The following CSNK1G1 variants were observed in gnomAD, a reference collection of about 807,000 sequenced individuals.
CSNK1G1 encodes the protein casein kinase 1 gamma 1.
A neutral mutation model predicts 59.6 loss-of-function variants in CSNK1G1; 22 were observed. The observed-to-expected ratio is 0.37, with a 90% CI of 0.26 to 0.53. The LOEUF (loss-of-function observed/expected upper bound fraction) is 0.53, where lower values mean the gene tolerates loss of function less well. CSNK1G1 is among the 20% of genes least tolerant of loss of function. The probability of loss-of-function intolerance (pLI) is 0.89; values close to 1 mark genes in which losing one functional copy is unlikely to be tolerated. For synonymous variants in CSNK1G1, 179 were observed against 177.1 expected (o/e 1.01, Z -0.08); for missense variants, 384 against 519.5 (o/e 0.74, Z 2.54).
intron 1 of CSNK1G1, among the ~76,000 whole-genome samples, chr15:64,348,125 T>G (rs1000264086): frequency 3.3e-5 from 5 of 151,976 alleles, no homozygotes; most frequent in African/African-American, 1.2e-4. Context: ...AAGGCAATAC[T>G]ATAGAGACAG....
chr15:64,222,435 AC>A (rs1170821642), intron 4 of CSNK1G1, among the ~76,000 whole-genome samples: 4,095 of 93,186 alleles, frequency 0.044, 95 homozygotes, highest in South Asian at 0.061. Context: ...CAACAACACC[AC>A]CAAAAAAAAA....
intron 1 of CSNK1G1, among the ~76,000 whole-genome samples, chr15:64,332,057 C>T (rs1178278746): frequency 2.6e-4 from 39 of 148,814 alleles, no homozygotes; most frequent in Non-Finnish European, 5.2e-4. Flanking sequence ...GAAATAGGAA[C>T]ACTTTTACAC....
chr15:64,171,865 T>C lies in CSNK1G1; in HGVS notation c.*66A>G, dbSNP rs2140196395. 1 of 1,321,994 alleles carries C rather than the reference T, an allele frequency of 7.6e-7. No individual in the cohort carries two copies. Among genetic ancestry groups the C allele is most frequent in the East Asian group, 2.3e-5 (1 of 43,588 alleles). The allele number at this position is 1,321,994 out of a possible 1,614,324, so 81.9% of individuals were successfully genotyped here. On this transcript the variant is annotated 3_prime_UTR_variant, in exon 12 of 12. Transcript: ENST00000303052. This position sits in a 1 kb window ranked among gnomAD's most constrained non-coding sequence, Gnocchi z 4.8. ...AAGAGGAGTCCCTTCCAATGAGAAA[T>C]GGCAGGAGCTGCAGGTACAATTGAG... is the stretch of plus-strand genomic sequence containing the variant.
chr15:64,312,757 G>A (rs994453073), intron 1 of CSNK1G1, among the ~76,000 whole-genome samples: 1 of 152,126 alleles, frequency 6.6e-6, no homozygotes, highest in Non-Finnish European at 1.5e-5. Context: ...TGACAAATGG[G>A]ATCTAATTAA....
chr15:64,294,535 T>TA (rs1336631286), intron 2 of CSNK1G1, among the ~76,000 whole-genome samples: 2 of 152,210 alleles, frequency 1.3e-5, no homozygotes, highest in East Asian at 1.9e-4. Context: ...ATTTTCTTTT[T>TA]AAAAAAATTT....
intron 2 of CSNK1G1, among the ~76,000 whole-genome samples, chr15:64,262,626 C>T (rs1172547067): frequency 6.6e-6 from 1 of 152,140 alleles, no homozygotes; most frequent in African/African-American, 2.4e-5. Context: ...CCTGTGGGTA[C>T]TTGGAAGTGT....
At chr15:64,259,483 T>TACACACACACACACACACACAC (rs59936401) in intron 2 of CSNK1G1, among the ~76,000 whole-genome samples, 2 of 139,716 alleles carry the variant, frequency 1.4e-5, no homozygotes, top group African/African-American at 5.2e-5. Flanking sequence ...AAATCTCTCT[T>TACACACACACACACACACACAC]ACACACACAC....
At chr15:64,172,443 C>T (rs2081684532) in intron 11 of CSNK1G1, among the ~76,000 whole-genome samples, 1 of 152,152 alleles carries the variant, frequency 6.6e-6, no homozygotes, top group Non-Finnish European at 1.5e-5. Context: ...GCAAACAAAT[C>T]CCATGATAAG....
At chr15:64,204,383 T>C in intron 9 of CSNK1G1, 58 bp downstream of exon 9, 1 of 1,387,380 alleles carries the variant, frequency 7.2e-7, no homozygotes, top group Non-Finnish European at 9.7e-7. Flanking sequence ...CATGAGGCAG[T>C]GCTGGTTGGA....
chr15:64,267,256 C>CAAAAAAAAAAAAAAAAAAAAAAA (rs199581105), intron 2 of CSNK1G1, among the ~76,000 whole-genome samples: 1 of 61,828 alleles, frequency 1.6e-5, no homozygotes, highest in Non-Finnish European at 3.7e-5. Context: ...GACCTTATCT[C>CAAAAAAAAAAAAAAAAAAAAAAA]AAAAAAAAAA....
intron 1 of CSNK1G1, among the ~76,000 whole-genome samples, chr15:64,316,031 CTTGT>C (rs956283110): frequency 6.6e-6 from 1 of 152,074 alleles, no homozygotes. Flanking sequence ...GTTGTTGTTG[CTTGT>C]TTGTTTTAAC....
At chr15:64,222,739 C>A (rs1001271424) in intron 4 of CSNK1G1, among the ~76,000 whole-genome samples, 1 of 150,896 alleles carries the variant, frequency 6.6e-6, no homozygotes, top group Non-Finnish European at 1.5e-5. Context: ...GTCAGAATTT[C>A]TAGGAGTGGA....
intron 10 of CSNK1G1, among the ~76,000 whole-genome samples, chr15:64,184,337 A>T (rs764056700): frequency 6.6e-6 from 1 of 151,904 alleles, no homozygotes; most frequent in African/African-American, 2.4e-5. Flanking sequence ...AATTTTTAGT[A>T]TAATGTCATT....
At chr15:64,186,431 A>C (rs914428433) in intron 10 of CSNK1G1, among the ~76,000 whole-genome samples, 5 of 152,206 alleles carry the variant, frequency 3.3e-5, no homozygotes, top group African/African-American at 4.8e-5. Flanking sequence ...TGTTCTATTA[A>C]TTCTGATAAC....
At chr15:64,239,225 T>G (rs2082661758) in intron 4 of CSNK1G1, among the ~76,000 whole-genome samples, 1 of 152,078 alleles carries the variant, frequency 6.6e-6, no homozygotes, top group Non-Finnish European at 1.5e-5. Flanking sequence ...AACACAGTGG[T>G]ACAGAAACAT....
In CSNK1G1 at chr15:64,251,503, T is replaced by C. The variant is rs1892083211; in HGVS notation, c.292+9A>G. The stretch of plus-strand genomic sequence containing the variant: ...TACTAAGTAAGTGGAGAGAAAAGAC[T>C]TGACTTACCTGCACTGCCAAGCTGT... On this transcript the variant is annotated intron_variant, in intron 4 of 11. Coordinates refer to ENST00000303052, the MANE Select transcript of CSNK1G1 (RefSeq NM_022048.5). The C allele has an allele frequency of 6.3e-7, 1 of 1,598,714 alleles. No individual in the cohort carries two copies. The highest frequency in any genetic ancestry group is 2.2e-5 in the East Asian group (1 of 44,662).
intron 2 of CSNK1G1, among the ~76,000 whole-genome samples, chr15:64,267,235 A>T (rs1893033716): frequency 6.8e-6 from 1 of 148,010 alleles, no homozygotes. Context: ...CCAGCCTGGG[A>T]GACAAAGCGA....
chr15:64,344,097 T>C (rs527903648), intron 1 of CSNK1G1, among the ~76,000 whole-genome samples: 1 of 152,084 alleles, frequency 6.6e-6, no homozygotes, highest in Non-Finnish European at 1.5e-5. Flanking sequence ...AATAATAAAA[T>C]GAATAATAGC....
At chr15:64,354,989 C>T (rs1377234517) in intron 1 of CSNK1G1, among the ~76,000 whole-genome samples, 1 of 152,156 alleles carries the variant, frequency 6.6e-6, no homozygotes, top group Non-Finnish European at 1.5e-5. Context: ...TGTTCTGAGA[C>T]ATCACTACAC....
Sources: allele counts gnomAD v4.1 joint callset (sites outside exome capture counted in the v4.1 genomes callset), GRCh38; gene constraint gnomAD v4.1.1; non-coding constraint Gnocchi (gnomAD v3.1); transcripts MANE v1.5; gene names NCBI Gene and HGNC (gene_info 2026-07-23, HGNC 2026-07-21).